Variants in TTLL5 observed in about 807,000 individuals in gnomAD.
TTLL5 encodes tubulin tyrosine ligase like 5, also known as tubulin polyglutamylase TTLL5.
Under a neutral mutation model 168.4 loss-of-function variants are expected in TTLL5, and 132 were observed. The ratio of observed to expected loss-of-function variants is 0.78; its 90% CI spans 0.68 to 0.91. The LOEUF (loss-of-function observed/expected upper bound fraction) is 0.91, where lower values mean the gene tolerates loss of function less well. TTLL5 is among the 40% of genes least tolerant of loss of function. TTLL5 has a pLI of 0.00. For missense variants in TTLL5, 1,545 were observed against 1,581.5 expected (o/e 0.98, Z 0.39); for synonymous variants, 546 against 558.6 (o/e 0.98, Z 0.32).
At position 75,771,791 on chromosome 14, in the gene TTLL5, G is replaced by T; in HGVS notation, c.2073G>T (p.Leu691=). The T allele has an allele frequency of 1.2e-6, 2 of 1,614,110 alleles. No homozygotes were observed. Among genetic ancestry groups the T allele is most frequent in the Non-Finnish European group, 1.7e-6 (2 of 1,179,978 alleles). ...SAYLQHVQIR[L]MKDSGGQTFS... ...ATCTCCAGCATGTTCAAATTCGCCT[G>T]ATGAAAGACAGTGGCGGTCAGACGT... Residue 691 remains leucine (L), a synonymous_variant, in exon 21 of 32, where the codon CTG becomes CTT. Coordinates refer to ENST00000298832, the MANE Select transcript of TTLL5 (RefSeq NM_015072.5).
chr14:75,899,078 A>G (rs925197965), intron 30 of TTLL5, among the ~76,000 whole-genome samples: 1 of 152,222 alleles, frequency 6.6e-6, no homozygotes, highest in Non-Finnish European at 1.5e-5. Context: ...GTAAAAAATG[A>G]CAATACTACT....
intron 28 of TTLL5, among the ~76,000 whole-genome samples, chr14:75,822,629 C>T (rs996271527): frequency 6.6e-6 from 1 of 152,200 alleles, no homozygotes; most frequent in African/African-American, 2.4e-5. Flanking sequence ...TGGTGACTCA[C>T]AAGAACTCTG....
At chr14:75,723,369 T>G (rs948459223) in intron 12 of TTLL5, among the ~76,000 whole-genome samples, 1 of 152,206 alleles carries the variant, frequency 6.6e-6, no homozygotes, top group Non-Finnish European at 1.5e-5. Flanking sequence ...CCAATGGATC[T>G]GGTTTGGTAA....
intron 27 of TTLL5, among the ~76,000 whole-genome samples, chr14:75,797,976 G>A (rs774506321): frequency 1.9e-4 from 29 of 151,926 alleles, no homozygotes; most frequent in Non-Finnish European, 4.3e-4. Flanking sequence ...TATTTAGGGA[G>A]GATTCTCTTT....
At chr14:75,781,767 CA>C (rs1298915345) in intron 24 of TTLL5, among the ~76,000 whole-genome samples, 1 of 152,050 alleles carries the variant, frequency 6.6e-6, no homozygotes, top group Non-Finnish European at 1.5e-5. Context: ...CCAGCCTGGT[CA>C]ACATGGTGAA....
At chr14:75,818,582 G>A (rs1202095625) in intron 27 of TTLL5, 6 of 271,760 alleles carry the variant, frequency 2.2e-5, no homozygotes, top group African/African-American at 1.4e-4. Flanking sequence ...CTGCCTCCCA[G>A]GTTCAAGCAA....
At chr14:75,738,432 T>C (rs896418511) in intron 15 of TTLL5, among the ~76,000 whole-genome samples, 2 of 152,206 alleles carry the variant, frequency 1.3e-5, no homozygotes, top group African/African-American at 2.4e-5. Flanking sequence ...ATGTAACTTT[T>C]CTTAGCTACT....
intron 3 of TTLL5, among the ~76,000 whole-genome samples, chr14:75,672,278 G>A (rs1168847031): frequency 6.6e-6 from 1 of 151,830 alleles, no homozygotes; most frequent in Non-Finnish European, 1.5e-5. Context: ...ACGGAGTCTC[G>A]CTCTGTCACC....
At chr14:75,761,658 A>G (rs71431105) in intron 18 of TTLL5, among the ~76,000 whole-genome samples, 1 of 152,210 alleles carries the variant, frequency 6.6e-6, no homozygotes, top group Non-Finnish European at 1.5e-5. Flanking sequence ...AAAATTTACA[A>G]CAGTGATTGC....
At chr14:75,937,126 T>TG (rs1399871607) in intron 31 of TTLL5, among the ~76,000 whole-genome samples, 1 of 151,558 alleles carries the variant, frequency 6.6e-6, no homozygotes, top group Non-Finnish European at 1.5e-5. Flanking sequence ...ATTTACATTT[T>TG]TTTTTTTTTA....
In TTLL5 at chr14:75,766,156, G is replaced by A. The variant is rs1333657823; in HGVS notation, c.1803G>A (p.Glu601=). 7 of 1,614,012 alleles carry A rather than the reference G, an allele frequency of 4.3e-6. No homozygotes were observed. The highest frequency in any genetic ancestry group is 2.7e-5 in the African/African-American group (2 of 75,010). The change falls in exon 20 of 32, where the codon GAG becomes GAA. Residue 601 remains glutamate (E), a synonymous_variant. Coordinates refer to ENST00000298832, the MANE Select transcript of TTLL5 (RefSeq NM_015072.5). ...VALDNEDEEQ[E]ASQEESAGFL... ...TAGATAATGAAGATGAAGAACAGGA[G>A]GCTTCCCAGGAGGAGTCTGCAGGAT...
chr14:75,935,262 G>A (rs1421746562), intron 31 of TTLL5, among the ~76,000 whole-genome samples: 2 of 152,202 alleles, frequency 1.3e-5, no homozygotes, highest in African/African-American at 2.4e-5. Flanking sequence ...TTCACCAACA[G>A]CCCTCGTTGG....
At chr14:75,667,751 GTT>G (rs67181555) in intron 2 of TTLL5, among the ~76,000 whole-genome samples, 15 of 89,088 alleles carry the variant, frequency 1.7e-4, no homozygotes, top group South Asian at 4.4e-4. Flanking sequence ...ATCTTTTTAT[GTT>G]TTTTTTTTTT....
chr14:75,664,923 G>T (rs998140176), intron 2 of TTLL5, among the ~76,000 whole-genome samples: 1 of 152,152 alleles, frequency 6.6e-6, no homozygotes, highest in Non-Finnish European at 1.5e-5. Context: ...ATATGAAACT[G>T]CCATTTTGGT....
At chr14:75,696,850 T>G (rs1885912110) in intron 6 of TTLL5, among the ~76,000 whole-genome samples, 1 of 152,242 alleles carries the variant, frequency 6.6e-6, no homozygotes, top group African/African-American at 2.4e-5. Context: ...GCACTTTGTT[T>G]TTTTCATTTA....
chr14:75,872,894 A>G (rs1285528430), intron 29 of TTLL5, among the ~76,000 whole-genome samples: 1 of 137,430 alleles, frequency 7.3e-6, no homozygotes, highest in Non-Finnish European at 1.6e-5. Flanking sequence ...CCTGGGCAAC[A>G]AGGGTGAAAC....
intron 3 of TTLL5, among the ~76,000 whole-genome samples, chr14:75,675,604 G>A (rs939555399): frequency 6.6e-6 from 1 of 152,210 alleles, no homozygotes; most frequent in Non-Finnish European, 1.5e-5. Flanking sequence ...AGTAGTCAAG[G>A]AGGACCATGC....
chr14:75,843,882 A>ATTTTATTTTATTTTC (rs1896396422), intron 28 of TTLL5, among the ~76,000 whole-genome samples: 1 of 8,982 alleles, frequency 1.1e-4, no homozygotes, highest in South Asian at 0.011. Context: ...GTTTTGTTTT[A>ATTTTATTTTATTTTC]TTTTATTTTA....
chr14:75,911,055 G>T (rs1386895543), intron 31 of TTLL5, among the ~76,000 whole-genome samples: 2 of 151,984 alleles, frequency 1.3e-5, no homozygotes, highest in East Asian at 1.9e-4. Context: ...TCAGAGTCTC[G>T]CTCTGTCACC....
Sources: allele counts gnomAD v4.1 joint callset (sites outside exome capture counted in the v4.1 genomes callset), GRCh38; gene constraint gnomAD v4.1.1; transcripts MANE v1.5; gene names NCBI Gene and HGNC (gene_info 2026-07-23, HGNC 2026-07-21).